KIR3DL2: variants seen among roughly 807,000 people sequenced by gnomAD.
KIR3DL2 encodes the protein killer cell immunoglobulin-like receptor 3DL2.
KIR3DL2 carries 42 observed loss-of-function variants against 41.6 expected under a neutral mutation model. The observed-to-expected ratio is 1.01, with a 90% confidence interval of 0.79 to 1.31. The LOEUF (loss-of-function observed/expected upper bound fraction) is 1.31. Ranked by LOEUF, KIR3DL2 falls within the 50% of genes most tolerant of loss-of-function variation. The probability of loss-of-function intolerance (pLI) is 0.00; values close to 1 mark genes in which losing one functional copy is unlikely to be tolerated. For missense variants in KIR3DL2, 728 were observed against 576.8 expected, an observed-to-expected ratio of 1.26 and a Z score of -2.68; for synonymous variants, 230 against 221.3, an observed-to-expected ratio of 1.04 and a Z score of -0.35.
At chr19:54,857,679 G>T (rs935227691) in intron 5 of KIR3DL2, among the ~76,000 whole-genome samples, 3 of 151,662 alleles carry the variant, frequency 2.0e-5, no homozygotes, top group Admixed American at 6.6e-5. Flanking sequence ...AGCCTCCAAA[G>T]TAGCTGGGAT....
intron 7 of KIR3DL2, 104 bp downstream of exon 7, chr19:54,866,013 A>G: frequency 9.2e-7 from 1 of 1,090,042 alleles, no homozygotes. Flanking sequence ...TCCCTGGCCC[A>G]AGGGAGGAGC....
chr19:54,855,996 T>C (rs199889703), intron 5 of KIR3DL2, 84 bp downstream of exon 5: 119,650 of 1,511,264 alleles, frequency 0.079, 5,805 homozygotes, highest in South Asian at 0.14. Flanking sequence ...GGGAGAAGCA[T>C]GGACAGATGC....
At position 54,853,920 on chromosome 19, in the gene KIR3DL2, A is replaced by G; in HGVS notation, c.529A>G (p.Lys177Glu). ...TGGACAGATCCATGATGGGGTCTCC[A>G]AGGCCAACTTCTCCATCGGTCCCTT... Reference protein sequence around the residue: ...LVGQIHDGVSKANFSIGPLMP... With the variant: ...LVGQIHDGVSEANFSIGPLMP... Residue 177 changes from lysine (K) to glutamate (E), a missense_variant, in exon 4 of 9, where the codon AAG becomes GAG. Transcript: ENST00000326321. 6.2e-7 allele frequency: 1 copy of G among 1,613,396 alleles called. No homozygotes were observed. The highest frequency in any genetic ancestry group is 2.2e-5 in the East Asian group (1 of 44,878).
chr19:54,864,223 T>C (rs2065359551), intron 6 of KIR3DL2, among the ~76,000 whole-genome samples: 1 of 152,128 alleles, frequency 6.6e-6, no homozygotes, highest in Admixed American at 6.5e-5. Context: ...TATATCTCTG[T>C]TTTGGTACCA....
At chr19:54,851,519 A>T (rs3745892) in intron 2 of KIR3DL2, among the ~76,000 whole-genome samples, 17,504 of 150,988 alleles carry the variant, frequency 0.12, 1,219 homozygotes, top group Non-Finnish European at 0.15. Flanking sequence ...AAGAGAGGGA[A>T]GCAGTGCTAG....
At chr19:54,850,553 G>A in intron 1 of KIR3DL2, 44 bp downstream of exon 1, 2 of 1,603,676 alleles carry the variant, frequency 1.2e-6, no homozygotes, top group East Asian at 2.2e-5. Context: ...TGGGGATGGA[G>A]ATCTCGGCCT....
intron 6 of KIR3DL2, among the ~76,000 whole-genome samples, chr19:54,862,420 A>G (rs1372057835): frequency 6.6e-6 from 1 of 152,114 alleles, no homozygotes; most frequent in East Asian, 1.9e-4. Flanking sequence ...GCCAATTTCT[A>G]TCACTCACCG....
In KIR3DL2 at chr19:54,856,478, C is replaced by A. The variant is rs1201050318; in HGVS notation, c.949+566C>A. ...GGTGGATCATTTAAGATCAGGGACT[C>A]GAGATCAGCCTGGCCAACATGCGGG... On this transcript the variant is annotated intron_variant, in intron 5 of 8. Transcript: ENST00000326321. Among the ~76,000 whole-genome samples, 20 of 151,606 alleles carry A rather than the reference C, an allele frequency of 1.3e-4. 1 individual carries two copies. Among genetic ancestry groups the A allele is most frequent in the African/African-American group, 4.9e-4 (20 of 41,064 alleles).
intron 3 of KIR3DL2, among the ~76,000 whole-genome samples, chr19:54,852,681 T>C (rs374732421): frequency 0.014 from 1,790 of 124,258 alleles, 1 homozygote; most frequent in South Asian, 0.031. Context: ...TCAGCCACTG[T>C]GGGCTTTGAA....
At chr19:54,865,949 T>A (rs764169765) in intron 7 of KIR3DL2, 40 bp downstream of exon 7, 4 of 1,564,608 alleles carry the variant, frequency 2.6e-6, no homozygotes, top group East Asian at 4.5e-5. Flanking sequence ...CTCAGGGCCA[T>A]GTGGGGAAGC....
Position 54,852,146 on chromosome 19 carries a change from C to A in KIR3DL2, c.219C>A (p.Gly73=), listed in dbSNP as rs1276754529. 1.2e-6 allele frequency: 2 copies of A among 1,612,948 alleles called. No individual in the cohort carries two copies. The highest frequency in any genetic ancestry group is 4.5e-5 in the East Asian group (2 of 44,860). ...GAAGCCACGTTCCCATCTTCCACGG[C>A]AGAATATTCCAGGAGAGCTTCATCA... ...EDRSHVPIFH[G]RIFQESFIMG... is the part of the protein sequence containing the mutation. The change falls in exon 3 of 9, where the codon GGC becomes GGA. Residue 73 remains glycine (G), a synonymous_variant. Transcript: ENST00000326321.
At chr19:54,852,390 G>C in intron 3 of KIR3DL2, 108 bp downstream of exon 3, 1 of 1,441,204 alleles carries the variant, frequency 6.9e-7, no homozygotes, top group Non-Finnish European at 9.4e-7. Context: ...ACTGTATTTG[G>C]GGTCAAGGGA....
At position 54,852,228 on chromosome 19, in the gene KIR3DL2, C is replaced by G; in HGVS notation, c.301C>G (p.His101Asp). ...GTYRCRGSRP[H>D]SLTGWSAPSN... Reference sequence around the variant, plus strand: ...CTACAGATGTCGGGGTTCACGCCCACACTCCCTCACTGGGTGGTCGGCACC... The same window carrying G: ...CTACAGATGTCGGGGTTCACGCCCAGACTCCCTCACTGGGTGGTCGGCACC... The change falls in exon 3 of 9, where the codon CAC (histidine) becomes GAC (aspartate). Residue 101 changes from histidine to aspartate, a missense_variant. His to Asp is a moderately conservative substitution (Grantham distance 81, BLOSUM62 -1). Transcript: ENST00000326321. The G allele has an allele frequency of 6.2e-6, 10 of 1,611,446 alleles. 1 individual carries two copies. Among genetic ancestry groups the G allele is most frequent in the Non-Finnish European group, 8.5e-6 (10 of 1,178,696 alleles).
Position 54,852,005 on chromosome 19 carries a change from G to C in KIR3DL2, c.78G>C (p.Gln26His). 1 of 1,609,902 alleles carries C rather than the reference G, an allele frequency of 6.2e-7. No homozygotes were observed. Among genetic ancestry groups the C allele is most frequent in the Non-Finnish European group, 8.5e-7 (1 of 1,177,724 alleles). ...TGCCTCCTTCTCCCCCAGGTGGTCA[G>C]GACAAACCCTTCCTGTCTGCCCGGC... ...LQGAWPLMGGQDKPFLSARPS... is the reference protein window; with the variant it reads ...LQGAWPLMGGHDKPFLSARPS... The change falls in exon 3 of 9, where the codon CAG (glutamine) becomes CAC (histidine). Residue 26 changes from glutamine (Q) to histidine (H), a missense_variant. Coordinates refer to ENST00000326321, the MANE Select transcript of KIR3DL2 (RefSeq NM_006737.4).
At position 54,865,909 on chromosome 19, in the gene KIR3DL2, A is replaced by G; in HGVS notation, c.1105A>G (p.Asn369Asp). ...LLYRWCSNKK[N>D]AAVMDQEPAG... ...TTATCGCTGGTGCTCCAACAAAAAG[A>G]GTAAGTCTCACGAAGCAGAGGCCAG... The change falls in exon 7 of 9, where the codon AAT becomes GAT. Residue 369 changes from asparagine to aspartate, a missense_variant and splice_region_variant. Physicochemically the swap from Asn to Asp is conservative, Grantham distance 23 (BLOSUM62 1). Coordinates refer to ENST00000326321, the MANE Select transcript of KIR3DL2 (RefSeq NM_006737.4). The G allele has an allele frequency of 6.2e-7, 1 of 1,610,902 alleles. No individual in the cohort carries two copies. Among genetic ancestry groups the G allele is most frequent in the Non-Finnish European group, 8.5e-7 (1 of 1,177,588 alleles).
chr19:54,854,488 A>G (rs755864052), intron 4 of KIR3DL2, among the ~76,000 whole-genome samples: 7 of 151,902 alleles, frequency 4.6e-5, no homozygotes, highest in East Asian at 1.9e-4. Context: ...TACAGATGCC[A>G]TGTTTATTCT....
rs2915985 is a variant in KIR3DL2 at position 54,865,799 on chromosome 19, C to A, written c.1001-6C>A. ...AGCTTCTTATTGGATTCCCATCTTC[C>A]TCCAGGTATCTGCAGACACCTGCAT... On this transcript the variant is annotated splice_region_variant and splice_polypyrimidine_tract_variant and intron_variant, in intron 6 of 8. Coordinates refer to ENST00000326321, the MANE Select transcript of KIR3DL2 (RefSeq NM_006737.4). The A allele has an allele frequency of 2.6e-6, 4 of 1,543,048 alleles. No individual in the cohort carries two copies. The African/African-American group carries it at 4.1e-5, about 16-fold the overall frequency.
chr19:54,853,527 G>A (rs2064470498), intron 3 of KIR3DL2, among the ~76,000 whole-genome samples: 1 of 151,656 alleles, frequency 6.6e-6, no homozygotes, highest in Non-Finnish European at 1.5e-5. Flanking sequence ...TCTTCACAGT[G>A]GGAAGGGAGT....
At chr19:54,857,419 A>G (rs1296772167) in intron 5 of KIR3DL2, among the ~76,000 whole-genome samples, 1 of 151,116 alleles carries the variant, frequency 6.6e-6, no homozygotes, top group Admixed American at 6.6e-5. Context: ...GATTTTCCAT[A>G]CTTTTCTCCA....
Sources: allele counts gnomAD v4.1 joint callset (sites outside exome capture counted in the v4.1 genomes callset), GRCh38; gene constraint gnomAD v4.1.1; transcripts MANE v1.5; gene names NCBI Gene and HGNC (gene_info 2026-07-23, HGNC 2026-07-21).